AGBL4: variants seen among roughly 807,000 people sequenced by gnomAD.
AGBL4 encodes the protein cytosolic carboxypeptidase 6.
A neutral mutation model predicts 66.4 loss-of-function variants in AGBL4; 58 were observed. That is an observed-to-expected ratio of 0.87 (90% CI 0.71 to 1.09). The LOEUF (loss-of-function observed/expected upper bound fraction) is 1.09. AGBL4 is among the 50% of genes least tolerant of loss of function. The probability of loss-of-function intolerance (pLI) is 0.00; values close to 1 mark genes in which losing one functional copy is unlikely to be tolerated. For synonymous variants in AGBL4, 234 were observed against 222.9 expected, an observed-to-expected ratio of 1.05 and a Z score of -0.44; for missense variants, 579 against 631.0, an observed-to-expected ratio of 0.92 and a Z score of 0.88.
intron 4 of AGBL4, among the ~76,000 whole-genome samples, chr1:49,080,296 G>A (rs998449215): frequency 6.6e-6 from 1 of 152,132 alleles, no homozygotes; most frequent in Admixed American, 6.5e-5. Context: ...CAGAGTAGAA[G>A]AACTTGAAGC....
intron 4 of AGBL4, among the ~76,000 whole-genome samples, chr1:49,135,539 A>G (rs1557670391): frequency 6.6e-6 from 1 of 152,170 alleles, no homozygotes; most frequent in African/African-American, 2.4e-5. Context: ...GTTTATTAAC[A>G]GCAAACCAGT....
chr1:49,076,900 A>C (rs183752207), intron 4 of AGBL4, among the ~76,000 whole-genome samples: 13 of 152,332 alleles, frequency 8.5e-5, no homozygotes, highest in Admixed American at 7.8e-4. Context: ...AACAAGCACC[A>C]GTCATTTTAT....
chr1:49,886,302 G>A (rs1648032295), intron 1 of AGBL4, among the ~76,000 whole-genome samples: 1 of 152,044 alleles, frequency 6.6e-6, no homozygotes, highest in Admixed American at 6.6e-5. Context: ...CTCACAAAAG[G>A]CTTCCTGGAG....
chr1:49,910,428 G>A (rs561780710), intron 1 of AGBL4, among the ~76,000 whole-genome samples: 22 of 152,246 alleles, frequency 1.4e-4, no homozygotes, highest in Non-Finnish European at 2.6e-4. Context: ...CCTGATTGGA[G>A]CAGGTTCAAA....
rs887444410 is a variant in AGBL4, at chr1:48,776,969, C to A, written c.634+90222G>T. On this transcript the variant is annotated intron_variant, in intron 6 of 13. Coordinates refer to ENST00000371839, the MANE Select transcript of AGBL4 (RefSeq NM_032785.4). ...CGGCTCCCCAGGACCCAGGCTCCCCCCACTGTTATTGTTCCTGAAAGCACC... is the reference window on the plus strand; with the variant it reads ...CGGCTCCCCAGGACCCAGGCTCCCCACACTGTTATTGTTCCTGAAAGCACC... 16 of 485,518 alleles carry A rather than the reference C, an allele frequency of 3.3e-5. 2 individuals are homozygous for A. In the South Asian group the frequency reaches 5.8e-4, roughly 18 times the overall value. The allele number at this position is 485,518 out of a possible 1,614,324, so 30.1% of individuals were successfully genotyped here.
chr1:49,670,196 G>T (rs1361951852), intron 3 of AGBL4, among the ~76,000 whole-genome samples: 1 of 152,122 alleles, frequency 6.6e-6, no homozygotes, highest in African/African-American at 2.4e-5. Context: ...ACAAACAGAA[G>T]AAGTTTGAGA....
intron 2 of AGBL4, among the ~76,000 whole-genome samples, chr1:49,703,462 A>C (rs1571362101): frequency 6.6e-6 from 1 of 152,100 alleles, no homozygotes; most frequent in East Asian, 1.9e-4. Context: ...AAGGAGAATA[A>C]CCTTAAGATT....
chr1:49,958,956 A>G (rs1318352823), intron 1 of AGBL4, among the ~76,000 whole-genome samples: 1 of 151,766 alleles, frequency 6.6e-6, no homozygotes, highest in African/African-American at 2.4e-5. Context: ...GGCACTAAAG[A>G]CCAAATGAGA....
intron 9 of AGBL4, among the ~76,000 whole-genome samples, chr1:48,630,254 C>G (rs1557839993): frequency 6.6e-6 from 1 of 152,174 alleles, no homozygotes; most frequent in African/African-American, 2.4e-5. Flanking sequence ...AGGAAAGCAG[C>G]CTTTGAAGTC....
chr1:48,837,860 TAGGA>T (rs941517093), intron 6 of AGBL4, among the ~76,000 whole-genome samples: 13 of 150,750 alleles, frequency 8.6e-5, no homozygotes, highest in Admixed American at 2.6e-4. Context: ...CTGTAGAACA[TAGGA>T]AGGATTTTGG....
chr1:48,990,434 C>A (rs150016250), intron 5 of AGBL4, among the ~76,000 whole-genome samples: 1 of 151,990 alleles, frequency 6.6e-6, no homozygotes, highest in African/African-American at 2.4e-5. Context: ...CTTGTGCTTG[C>A]GGGGTACTGA....
intron 2 of AGBL4, among the ~76,000 whole-genome samples, chr1:49,729,821 G>GAGACAGATAGCAGCAAT (rs1553253704): frequency 6.6e-6 from 1 of 152,158 alleles, no homozygotes; most frequent in East Asian, 1.9e-4. Context: ...ATAGCAGCAA[G>GAGACAGATAGCAGCAAT]AGACAGACAG....
chr1:48,678,818 T>C (rs1034095312), intron 6 of AGBL4, among the ~76,000 whole-genome samples: 3 of 152,084 alleles, frequency 2.0e-5, no homozygotes, highest in African/African-American at 7.2e-5. Context: ...AGTGGAGGAG[T>C]TCCAGACAGC....
chr1:49,032,434 T>C (rs1443694108), intron 5 of AGBL4, among the ~76,000 whole-genome samples: 1 of 152,120 alleles, frequency 6.6e-6, no homozygotes, highest in Non-Finnish European at 1.5e-5. Context: ...TGCCATAAAA[T>C]TCAAAACATG....
chr1:49,330,723 T>A (rs1645315272), intron 3 of AGBL4, among the ~76,000 whole-genome samples: 1 of 152,026 alleles, frequency 6.6e-6, no homozygotes, highest in South Asian at 2.1e-4. Flanking sequence ...TAAAATAGTG[T>A]TTTGGAATAG....
At chr1:48,904,246 T>A (rs1652368980) in intron 5 of AGBL4, among the ~76,000 whole-genome samples, 1 of 152,246 alleles carries the variant, frequency 6.6e-6, no homozygotes, top group South Asian at 2.1e-4. Context: ...GCCATTGCAC[T>A]CCAGCCTGGG....
intron 3 of AGBL4, among the ~76,000 whole-genome samples, chr1:49,419,935 A>G (rs532381099): frequency 5.3e-5 from 8 of 152,320 alleles, no homozygotes; most frequent in Non-Finnish European, 1.0e-4. Flanking sequence ...CAACAGCATC[A>G]GCATTATTTG....
intron 4 of AGBL4, among the ~76,000 whole-genome samples, chr1:49,080,119 A>G (rs971279367): frequency 3.9e-5 from 6 of 152,226 alleles, no homozygotes; most frequent in Non-Finnish European, 5.9e-5. Flanking sequence ...TAATTTGAAC[A>G]GAGGAAATTT....
intron 3 of AGBL4, among the ~76,000 whole-genome samples, chr1:49,294,168 T>C (rs992314461): frequency 1.3e-5 from 2 of 152,138 alleles, no homozygotes; most frequent in African/African-American, 4.8e-5. Flanking sequence ...AGGGTCTGAG[T>C]TTTTGTTCCT....
Sources: gnomAD v4.1 joint callset for allele counts (sites outside exome capture counted in the v4.1 genomes callset) on GRCh38, gnomAD v4.1.1 for gene constraint, MANE v1.5 for transcripts, NCBI Gene and HGNC (gene_info 2026-07-23, HGNC 2026-07-21) for gene names.